DYNC1H1: variants seen among roughly 807,000 people sequenced by gnomAD.
DYNC1H1 encodes dynein cytoplasmic 1 heavy chain 1, also known as cytoplasmic dynein 1 heavy chain 1.
DYNC1H1 carries 51 observed loss-of-function variants against 527.1 expected under a neutral mutation model. That is an observed-to-expected ratio of 0.10 (90% CI 0.08 to 0.12). DYNC1H1 has a LOEUF of 0.12. Ranked by LOEUF, DYNC1H1 falls within the 10% of genes least tolerant of loss-of-function variation. The pLI, the probability that DYNC1H1 is intolerant of heterozygous loss-of-function variation, is 1.00. For synonymous variants in DYNC1H1, 2,189 were observed against 2,278.8 expected, an observed-to-expected ratio of 0.96 and a Z score of 1.12; for missense variants, 2,771 against 5,971.8, an observed-to-expected ratio of 0.46 and a Z score of 17.66.
rs750127672 is a variant in DYNC1H1 at position 102,000,949 on chromosome 14, G to A, written c.4075-5G>A. ...CTAAATAGCATCTTATGTTTCTCTC[G>A]ACAGCTTCGACAAAATTTGGATGCC... On this transcript the variant is annotated splice_polypyrimidine_tract_variant and splice_region_variant and intron_variant, in intron 18 of 77. Transcript: ENST00000360184. 15 of 1,612,720 alleles carry A rather than the reference G, an allele frequency of 9.3e-6. No homozygotes were observed. The highest frequency in any genetic ancestry group is 5.3e-5 in the African/African-American group (4 of 74,860).
rs912656932 is a variant in DYNC1H1, at chr14:102,034,705, C to T, written c.10754+253C>T. ...GGCAGGGGCCAGGCACAGTGGATCACGTGAGGTCAGGAGTTTGAGACCAGC... is the reference window on the plus strand; with the variant it reads ...GGCAGGGGCCAGGCACAGTGGATCATGTGAGGTCAGGAGTTTGAGACCAGC... On this transcript the variant is annotated intron_variant, in intron 56 of 77. Transcript: ENST00000360184. 3.0e-5 allele frequency: 18 copies of T among 599,356 alleles called. No homozygotes were observed. In the East Asian group the frequency reaches 5.3e-4, roughly 18 times the overall value. The allele number at this position is 599,356 out of a possible 1,614,324, so 37.1% of individuals were successfully genotyped here.
intron 10 of DYNC1H1, 51 bp downstream of exon 10, chr14:101,988,903 C>T (rs1326667528): frequency 1.2e-6 from 2 of 1,610,266 alleles, no homozygotes; most frequent in Non-Finnish European, 1.7e-6. Flanking sequence ...TAACAAAACT[C>T]TCTCGTTAAA....
In DYNC1H1 at chr14:101,983,493, G is replaced by C; in HGVS notation, c.1345G>C (p.Val449Leu). 2 of 1,614,150 alleles carry C rather than the reference G, an allele frequency of 1.2e-6. No homozygotes were observed. Among genetic ancestry groups the C allele is most frequent in the Non-Finnish European group, 1.7e-6 (2 of 1,180,032 alleles). ...AAAAAGGGAAGAAAATCTGAAGATG[G>C]TGTGGCGTATCAACCCTGCCCACAG... ...KRKREENLKMVWRINPAHRKL... is the reference protein window; with the variant it reads ...KRKREENLKMLWRINPAHRKL... Residue 449 changes from valine to leucine, a missense_variant, in exon 7 of 78, where the codon GTG (valine) becomes CTG (leucine). By Grantham distance (32) the Val-to-Leu change is conservative. Transcript: ENST00000360184. This position sits in a 1 kb window ranked among gnomAD's most constrained non-coding sequence, Gnocchi z 5.3.
chr14:102,001,084 C>T lies in DYNC1H1; in HGVS notation c.4185+20C>T, dbSNP rs74948967. 1,698 of 1,613,904 alleles carry T rather than the reference C, an allele frequency of 1.1e-3. 30 individuals are homozygous for T. The East Asian group carries it at 0.029, about 28-fold the overall frequency. On this transcript the variant is annotated intron_variant, in intron 19 of 77. Transcript: ENST00000360184. The surrounding 1 kb of genome is among the most constrained non-coding windows in gnomAD (Gnocchi z 5.0). ...ATGAAGGTAGGTGGCCAGTATCGCA[C>T]GGTGATGAGTGTCCATTAGAAACGC... is the stretch of plus-strand genomic sequence containing the variant.
Position 102,017,917 on chromosome 14 carries a change from T to C in DYNC1H1, c.8177+413T>C. On this transcript the variant is annotated intron_variant, in intron 40 of 77. Coordinates refer to ENST00000360184, the MANE Select transcript of DYNC1H1 (RefSeq NM_001376.5). The surrounding 1 kb of genome is among the most constrained non-coding windows in gnomAD (Gnocchi z 4.6). ...GTCAGGAGGTTGAGGCCATCCTGGC[T>C]AACACGGTGAAACCCCATCTCTACT... The C allele has an allele frequency of 3.2e-6, 1 of 307,972 alleles. No homozygotes were observed. Among genetic ancestry groups the C allele is most frequent in the South Asian group, 3.0e-5 (1 of 33,026 alleles). The allele number at this position is 307,972 out of a possible 1,614,324, so 19.1% of individuals were successfully genotyped here.
At position 102,000,128 on chromosome 14, in the gene DYNC1H1, G is replaced by A; in HGVS notation, c.3944G>A (p.Ser1315Asn). ...ACAGATACTGGGCTTCTCAGTGGCA[G>A]TGAAGAGCGCGTGCAGGTATGAACC... ...ELTDTGLLSG[S>N]EERVQVALEE... Residue 1315 changes from serine to asparagine, a missense_variant, in exon 17 of 78, where the codon AGT (serine) becomes AAT (asparagine). By Grantham distance (46) the Ser-to-Asn change is conservative (BLOSUM62 1). Transcript: ENST00000360184. The A allele has an allele frequency of 6.2e-7, 1 of 1,614,258 alleles. No homozygotes were observed. The highest frequency in any genetic ancestry group is 8.5e-7 in the Non-Finnish European group (1 of 1,180,044).
In DYNC1H1 at chr14:102,017,842, T is replaced by C. The variant is rs1055010490; in HGVS notation, c.8177+338T>C. On this transcript the variant is annotated intron_variant, in intron 40 of 77. Coordinates refer to ENST00000360184, the MANE Select transcript of DYNC1H1 (RefSeq NM_001376.5). The surrounding 1 kb of genome is among the most constrained non-coding windows in gnomAD (Gnocchi z 4.6). ...AAAATTAAGGCCGGGCGTGGTGGCT[T>C]ACGCCTGTAATCCCAGCACTTTGGG... The C allele has an allele frequency of 8.2e-6, 3 of 365,836 alleles. No individual in the cohort carries two copies. Among genetic ancestry groups the C allele is most frequent in the African/African-American group, 4.2e-5 (2 of 47,126 alleles). The allele number at this position is 365,836 out of a possible 1,614,324, so 22.7% of individuals were successfully genotyped here.
chr14:102,046,718 T>TGGCCCAGGTCTC (rs1365915197), intron 72 of DYNC1H1, among the ~76,000 whole-genome samples: 4 of 151,954 alleles, frequency 2.6e-5, no homozygotes, highest in Non-Finnish European at 4.4e-5. Context: ...GGCCGGGGCT[T>TGGCCCAGGTCTC]GGCCCAGGTC....
At position 101,985,619 on chromosome 14, in the gene DYNC1H1, C is replaced by G; in HGVS notation, c.1462-68C>G. ...GATTACAGGTGTGAGCCACTGCACC[C>G]GGCTTAAAATAAATTTTAAAGCCTT... On this transcript the variant is annotated intron_variant, in intron 7 of 77. Transcript: ENST00000360184. This position sits in a 1 kb window ranked among gnomAD's most constrained non-coding sequence, Gnocchi z 5.9. The G allele has an allele frequency of 2.5e-6, 4 of 1,577,100 alleles. No homozygotes were observed. The highest frequency in any genetic ancestry group is 3.5e-6 in the Non-Finnish European group (4 of 1,148,250).
Position 102,036,229 on chromosome 14 carries a change from G to A in DYNC1H1, c.10755-260G>A, listed in dbSNP as rs2048573515. 5 of 445,440 alleles carry A rather than the reference G, an allele frequency of 1.1e-5. No homozygotes were observed. Among genetic ancestry groups the A allele is most frequent in the Admixed American group, 3.5e-5 (1 of 28,760 alleles). 27.6% of individuals were successfully genotyped at this position (445,440 alleles called of 1,614,324 possible). ...GCTGAGAGGATGATTGTCCCAGAAG[G>A]AAAAAGATTTTTAACTATGGCCCTC... is the stretch of plus-strand genomic sequence containing the variant. On this transcript the variant is annotated intron_variant, in intron 56 of 77. Coordinates refer to ENST00000360184, the MANE Select transcript of DYNC1H1 (RefSeq NM_001376.5). This position sits in a 1 kb window ranked among gnomAD's most constrained non-coding sequence, Gnocchi z 5.6.
chr14:101,999,878 G>A (rs2048110046), intron 16 of DYNC1H1, 111 bp from the exon 17 acceptor site: 5 of 1,486,840 alleles, frequency 3.4e-6, no homozygotes, highest in Middle Eastern at 4.1e-4. Flanking sequence ...TGTGTGCAAA[G>A]AATCCGAAAC....
At position 101,975,775 on chromosome 14, in the gene DYNC1H1, T is replaced by G; in HGVS notation, c.320T>G (p.Ile107Ser). Residue 107 changes from isoleucine to serine, a missense_variant, in exon 2 of 78, where the codon ATT becomes AGT. Coordinates refer to ENST00000360184, the MANE Select transcript of DYNC1H1 (RefSeq NM_001376.5). ...ATTTCCTATAACATCAACATAGACA[T>G]TCATTATGGGGTTAAATCCAATAGG... ...EFISYNINID[I>S]HYGVKSNSLA... 1 of 1,613,410 alleles carries G rather than the reference T, an allele frequency of 6.2e-7. No individual in the cohort carries two copies. Among genetic ancestry groups the G allele is most frequent in the Non-Finnish European group, 8.5e-7 (1 of 1,179,396 alleles).
chr14:102,001,119 G>C lies in DYNC1H1; in HGVS notation c.4186-26G>C, dbSNP rs756420362. 6.2e-7 allele frequency: 1 copy of C among 1,614,194 alleles called. No individual in the cohort carries two copies. Among genetic ancestry groups the C allele is most frequent in the Non-Finnish European group, 8.5e-7 (1 of 1,180,040 alleles). Reference sequence around the variant, plus strand: ...TGTCCATTAGAAACGCACCTGCACAGATCACTTTGTTTACTTTCTCCACAG... The same window carrying C: ...TGTCCATTAGAAACGCACCTGCACACATCACTTTGTTTACTTTCTCCACAG... On this transcript the variant is annotated intron_variant, in intron 19 of 77. Transcript: ENST00000360184. The surrounding 1 kb of genome is among the most constrained non-coding windows in gnomAD (Gnocchi z 5.0).
At chr14:102,013,248 CAAAA>C (rs57229386) in intron 34 of DYNC1H1, among the ~76,000 whole-genome samples, 12 of 41,312 alleles carry the variant, frequency 2.9e-4, no homozygotes, top group African/African-American at 9.3e-4. Context: ...GACTCCGTCT[CAAAA>C]AAAAAAAAAA....
Position 102,009,839 on chromosome 14 carries a change from T to G in DYNC1H1, c.5978-4T>G. 6.2e-7 allele frequency: 1 copy of G among 1,614,094 alleles called. No homozygotes were observed. The highest frequency in any genetic ancestry group is 8.5e-7 in the Non-Finnish European group (1 of 1,179,998). On this transcript the variant is annotated splice_region_variant and splice_polypyrimidine_tract_variant and intron_variant, in intron 29 of 77. Transcript: ENST00000360184. ...TAGTCTTAACGCTATCATCTCATTCTCAGCCTCTGCCCCCATTACTTGTGA... is the reference window on the plus strand; with the variant it reads ...TAGTCTTAACGCTATCATCTCATTCGCAGCCTCTGCCCCCATTACTTGTGA...
At chr14:102,007,542 A>G (rs908154922) in intron 28 of DYNC1H1, among the ~76,000 whole-genome samples, 1 of 152,168 alleles carries the variant, frequency 6.6e-6, no homozygotes, top group Non-Finnish European at 1.5e-5. Context: ...GTTGTTCATG[A>G]AGTAACTGCT....
In DYNC1H1 at chr14:102,011,869, C is replaced by A; in HGVS notation, c.6619-6C>A. On this transcript the variant is annotated splice_region_variant and splice_polypyrimidine_tract_variant and intron_variant, in intron 32 of 77. Transcript: ENST00000360184. The surrounding 1 kb of genome is among the most constrained non-coding windows in gnomAD (Gnocchi z 5.3). Reference sequence around the variant, plus strand: ...GGTCACTGTGCTGGTCTGTTGGGCCCTGCAGGTTCTCCAGCTCTATCAGAT... The same window carrying A: ...GGTCACTGTGCTGGTCTGTTGGGCCATGCAGGTTCTCCAGCTCTATCAGAT... The A allele has an allele frequency of 6.2e-7, 1 of 1,614,048 alleles. No homozygotes were observed. The highest frequency in any genetic ancestry group is 8.5e-7 in the Non-Finnish European group (1 of 1,180,014).
chr14:102,049,968 G>T lies in DYNC1H1; in HGVS notation c.13684+86G>T. On this transcript the variant is annotated intron_variant, in intron 76 of 77. Coordinates refer to ENST00000360184, the MANE Select transcript of DYNC1H1 (RefSeq NM_001376.5). The surrounding 1 kb of genome is among the most constrained non-coding windows in gnomAD (Gnocchi z 5.5). ...ATTGTTCCCAGATACATGCACTTAG[G>T]GTGACCGGCTGGCAGTTGGGTGGAG... is the stretch of plus-strand genomic sequence containing the variant. 1 of 1,613,774 alleles carries T rather than the reference G, an allele frequency of 6.2e-7. No homozygotes were observed. The highest frequency in any genetic ancestry group is 8.5e-7 in the Non-Finnish European group (1 of 1,179,892).
Position 101,964,972 on chromosome 14 carries a change from C to T in DYNC1H1, c.256+25C>T, listed in dbSNP as rs142499415. The T allele has an allele frequency of 9.7e-3, 15,373 of 1,578,370 alleles. 121 individuals are homozygous for T. The highest frequency in any genetic ancestry group is 0.011 in the Non-Finnish European group (12,457 of 1,163,512). ...GGTGCGGGGCCGCGGAGGGCAGGGT[C>T]GCCAGAGCCAGGCCTCGCGGAATGC... On this transcript the variant is annotated intron_variant, in intron 1 of 77. Coordinates refer to ENST00000360184, the MANE Select transcript of DYNC1H1 (RefSeq NM_001376.5). The surrounding 1 kb of genome is among the most constrained non-coding windows in gnomAD (Gnocchi z 5.5).
Sources: allele counts gnomAD v4.1 joint callset (sites outside exome capture counted in the v4.1 genomes callset), GRCh38; gene constraint gnomAD v4.1.1; non-coding constraint Gnocchi (gnomAD v3.1); transcripts MANE v1.5; gene names NCBI Gene and HGNC (gene_info 2026-07-23, HGNC 2026-07-21).